NRBP2: variants seen among roughly 807,000 people sequenced by gnomAD.
NRBP2 encodes nuclear receptor binding protein 2, also known as nuclear receptor-binding protein 2.
Under a neutral mutation model 74.4 loss-of-function variants are expected in NRBP2, and 47 were observed. The ratio of observed to expected loss-of-function variants is 0.63; its 90% CI spans 0.50 to 0.81. NRBP2 has a LOEUF of 0.81. Ranked by LOEUF, NRBP2 falls within the 30% of genes least tolerant of loss-of-function variation. The probability of loss-of-function intolerance (pLI) is 0.00; values close to 1 mark genes in which losing one functional copy is unlikely to be tolerated. For synonymous variants in NRBP2, 312 were observed against 273.8 expected (o/e 1.14, Z -1.38); for missense variants, 613 against 690.1 (o/e 0.89, Z 1.25).
intron 15 of NRBP2, 21 bp downstream of exon 15, chr8:143,836,106 G>C (rs782510952): frequency 1.3e-6 from 2 of 1,598,382 alleles, no homozygotes; most frequent in Admixed American, 3.5e-5. Flanking sequence ...CGGCAGCGCC[G>C]CCCTCCCAGG....
rs112234503 is a variant in NRBP2, at chr8:143,835,490, G to A, written c.*172C>T. The A allele has an allele frequency of 8.5e-3, 5,045 of 591,040 alleles. 38 individuals carry two copies. Among genetic ancestry groups the A allele is most frequent in the Non-Finnish European group, 0.013 (4,189 of 329,126 alleles). 36.6% of individuals were successfully genotyped at this position (591,040 alleles called of 1,614,324 possible). On this transcript the variant is annotated 3_prime_UTR_variant, in exon 18 of 18. Coordinates refer to ENST00000442628, the MANE Select transcript of NRBP2 (RefSeq NM_178564.4). This position sits in a 1 kb window ranked among gnomAD's most constrained non-coding sequence, Gnocchi z 4.9. ...CCCCACACCCACCCCCCAACCCCTC[G>A]GCGCCCAAGGCAGGGTCAGCCCCAC...
In NRBP2 at chr8:143,839,640, T is replaced by G; in HGVS notation, c.445-91A>C. ...CCGCCCCGCATCCTCGCCCAGCCCC[T>G]GTCCGAGGCCGCCGGGCACCCCCTC... On this transcript the variant is annotated intron_variant, in intron 4 of 17. Transcript: ENST00000442628. The surrounding 1 kb of genome is among the most constrained non-coding windows in gnomAD (Gnocchi z 5.1). The G allele has an allele frequency of 6.6e-7, 1 of 1,511,898 alleles. No individual in the cohort carries two copies. The highest frequency in any genetic ancestry group is 8.8e-7 in the Non-Finnish European group (1 of 1,134,240). 93.7% of individuals were successfully genotyped at this position (1,511,898 alleles called of 1,614,324 possible). A position where few individuals can be genotyped will look rare whatever the true frequency, so the allele number is the denominator to read the frequency against.
chr8:143,840,218 C>A lies in NRBP2; in HGVS notation c.141G>T (p.Gly47=). 1 of 1,536,032 alleles carries A rather than the reference C, an allele frequency of 6.5e-7. No homozygotes were observed. Among genetic ancestry groups the A allele is most frequent in the South Asian group, 1.2e-5 (1 of 84,040 alleles). Residue 47 remains glycine, a synonymous_variant, in exon 2 of 18, where the codon GGG becomes GGT. Transcript: ENST00000442628. This position sits in a 1 kb window ranked among gnomAD's most constrained non-coding sequence, Gnocchi z 5.7. Reference sequence around the variant, plus strand: ...AGGTGCTCTGAAGCCCTGGCATGTTCCCTTGGTTTACCTGGGGGTGAATAA... The same window carrying A: ...AGGTGCTCTGAAGCCCTGGCATGTTACCTTGGTTTACCTGGGGGTGAATAA... ...WQKRREQVNQ[G]NMPGLQSTFL...
chr8:143,830,733 A>G (rs1296474354), downstream of NRBP2, among the ~76,000 whole-genome samples: 1 of 152,218 alleles, frequency 6.6e-6, no homozygotes, highest in African/African-American at 2.4e-5. Context: ...ATCACCAGAC[A>G]CCTGAGAAAG....
In NRBP2 at chr8:143,836,014, A is replaced by G; in HGVS notation, c.1334T>C (p.Val445Ala). ...CTGCCGGTGCAGCCGGTCTTCCAGC[A>G]CCAGAAGCAGAGTGAGCTGGGGAGG... Reference protein sequence around the residue: ...KARWHLTLLLVLEDRLHRQLT... With the variant: ...KARWHLTLLLALEDRLHRQLT... The change falls in exon 16 of 18, where the codon GTG becomes GCG. Residue 445 changes from valine to alanine, a missense_variant. By Grantham distance (64) the Val-to-Ala change is moderately conservative (BLOSUM62 0). Coordinates refer to ENST00000442628, the MANE Select transcript of NRBP2 (RefSeq NM_178564.4). The G allele has an allele frequency of 6.3e-7, 1 of 1,575,698 alleles. No individual in the cohort carries two copies. The highest frequency in any genetic ancestry group is 8.6e-7 in the Non-Finnish European group (1 of 1,160,774).
Position 143,837,987 on chromosome 8 carries a change from A to AC in NRBP2, c.841-233dup, listed in dbSNP as rs1197213477. Reference sequence around the variant, plus strand: ...GGAGCACCATGCTCTGCTTCCCTCGACCCCCAAAAAATCGTGGGGAGAAGC... The same window carrying AC: ...GGAGCACCATGCTCTGCTTCCCTCGACCCCCCAAAAAATCGTGGGGAGAAGC... On this transcript the variant is annotated intron_variant, in intron 10 of 17. Coordinates refer to ENST00000442628, the MANE Select transcript of NRBP2 (RefSeq NM_178564.4). The surrounding 1 kb of genome is among the most constrained non-coding windows in gnomAD (Gnocchi z 4.3). 2.8e-6 allele frequency: 2 copies of AC among 702,900 alleles called. No individual in the cohort carries two copies. Among genetic ancestry groups the AC allele is most frequent in the Non-Finnish European group, 5.2e-6 (2 of 387,750 alleles). The allele number at this position is 702,900 out of a possible 1,614,324, so 43.5% of individuals were successfully genotyped here.
rs189404604 is a variant in NRBP2, at chr8:143,833,983, C to T, written c.*1679G>A. ...TTGTACCTTTAATTTATTTGATATG[C>T]GTTAGTAAGTCTTGCTTTGGTTTTT... is the stretch of plus-strand genomic sequence containing the variant. On this transcript the variant is annotated 3_prime_UTR_variant, in exon 18 of 18. Transcript: ENST00000442628. 44 of 152,272 alleles carry T rather than the reference C, an allele frequency of 2.9e-4. 1 individual carries two copies. The East Asian group carries it at 7.5e-3, about 26-fold the overall frequency. 9.4% of individuals were successfully genotyped at this position (152,272 alleles called of 1,614,324 possible). A position where few individuals can be genotyped will look rare whatever the true frequency, so the allele number is the denominator to read the frequency against.
Position 143,839,763 on chromosome 8 carries a change from C to T in NRBP2, c.417G>A (p.Lys139=). 4 of 1,529,490 alleles carry T rather than the reference C, an allele frequency of 2.6e-6. No homozygotes were observed. The highest frequency in any genetic ancestry group is 3.5e-6 in the Non-Finnish European group (4 of 1,143,732). 94.7% of individuals were successfully genotyped at this position (1,529,490 alleles called of 1,614,324 possible). Residue 139 remains lysine (K), a synonymous_variant, in exon 4 of 18, where the codon AAG becomes AAA. Coordinates refer to ENST00000442628, the MANE Select transcript of NRBP2 (RefSeq NM_178564.4). This position sits in a 1 kb window ranked among gnomAD's most constrained non-coding sequence, Gnocchi z 5.1. Reference sequence around the variant, plus strand: ...GGGCGTTCATGGCCTTGTGGTTCTTCTTGGTCTTTTTGAGGAATTGCTTGA... The same window carrying T: ...GGGCGTTCATGGCCTTGTGGTTCTTTTTGGTCTTTTTGAGGAATTGCTTGA... ...GSLKQFLKKT[K]KNHKAMNARA...
rs573274691 is a variant in NRBP2, at chr8:143,840,285, G to A, written c.130-56C>T. On this transcript the variant is annotated intron_variant, in intron 1 of 17. Transcript: ENST00000442628. The surrounding 1 kb of genome is among the most constrained non-coding windows in gnomAD (Gnocchi z 5.7). ...TGGTGTGTGTCAGGGTTGTGGGTGA[G>A]GATTTGGTCCCTGTCCACACCTTTC... The A allele has an allele frequency of 2.6e-6, 4 of 1,529,924 alleles. No homozygotes were observed. Among genetic ancestry groups the A allele is most frequent in the South Asian group, 1.2e-5 (1 of 83,074 alleles). 94.8% of individuals were successfully genotyped at this position (1,529,924 alleles called of 1,614,324 possible).
rs1554652948 is a variant in NRBP2 at position 143,839,369 on chromosome 8, G to C, written c.525C>G (p.Asn175Lys). ...HACSPPIIHGNLTSDTIFIQH... is the reference protein window; with the variant it reads ...HACSPPIIHGKLTSDTIFIQH... ...GAATGAAGATGGTGTCGCTGGTCAG[G>C]TTCCCGTGGATGATTGGGGGGCTGC... Residue 175 changes from asparagine (N) to lysine (K), a missense_variant, in exon 6 of 18, where the codon AAC becomes AAG. Transcript: ENST00000442628. This position sits in a 1 kb window ranked among gnomAD's most constrained non-coding sequence, Gnocchi z 5.1. 3.8e-6 allele frequency: 6 copies of C among 1,590,416 alleles called. No homozygotes were observed. The highest frequency in any genetic ancestry group is 1.3e-5 in the African/African-American group (1 of 74,678).
In NRBP2 at chr8:143,835,755, G is replaced by A. The variant is rs782259573; in HGVS notation, c.1438-25C>T. The A allele has an allele frequency of 1.9e-6, 3 of 1,596,060 alleles. No individual in the cohort carries two copies. Among genetic ancestry groups the A allele is most frequent in the Non-Finnish European group, 2.6e-6 (3 of 1,173,580 alleles). On this transcript the variant is annotated intron_variant, in intron 17 of 17. Coordinates refer to ENST00000442628, the MANE Select transcript of NRBP2 (RefSeq NM_178564.4). The surrounding 1 kb of genome is among the most constrained non-coding windows in gnomAD (Gnocchi z 4.9). The stretch of plus-strand genomic sequence containing the variant: ...CCTGCGGAAGGAGGGAGGCATGGGG[G>A]ACGGAGGGGCGCGGCCTGCCCCGTG...
At position 143,835,822 on chromosome 8, in the gene NRBP2, C is replaced by T. The variant is rs370686102; in HGVS notation, c.1435G>A (p.Glu479Lys). The T allele has an allele frequency of 5.0e-6, 8 of 1,600,724 alleles. No individual in the cohort carries two copies. Among genetic ancestry groups the T allele is most frequent in the Middle Eastern group, 1.7e-4 (1 of 5,946 alleles). ...SELVHYGFLH[E>K]DDRMKLAAFL... ...CCGCGCCGCACCGCCCAGCGCACCT[C>T]GTGGAGGAAGCCATAGTGCACGAGC... Residue 479 changes from glutamate (E) to lysine (K), a missense_variant and splice_region_variant, in exon 17 of 18, where the codon GAG becomes AAG. Glu to Lys is a moderately conservative substitution (Grantham distance 56). Around this residue, in one of 2 missense-constraint regions of NRBP2, gnomAD observed 281 missense variants for 260.9 expected, o/e 1.08. Transcript: ENST00000442628. The surrounding 1 kb of genome is among the most constrained non-coding windows in gnomAD (Gnocchi z 4.9).
intron 14 of NRBP2, 99 bp from the exon 15 acceptor site, chr8:143,836,279 G>A (rs1203554638): frequency 7.1e-7 from 1 of 1,416,760 alleles, no homozygotes; most frequent in Non-Finnish European, 9.2e-7. Context: ...TGGAAAGGGG[G>A]GAATCTCTAA....
In NRBP2 at chr8:143,839,540, G is replaced by C; in HGVS notation, c.454C>G (p.Arg152Gly). 6.5e-7 allele frequency: 1 copy of C among 1,531,958 alleles called. No homozygotes were observed. The highest frequency in any genetic ancestry group is 8.7e-7 in the Non-Finnish European group (1 of 1,145,410). The allele number at this position is 1,531,958 out of a possible 1,614,324, so 94.9% of individuals were successfully genotyped here. A position where few individuals can be genotyped will look rare whatever the true frequency, so the allele number is the denominator to read the frequency against. Residue 152 changes from arginine to glycine, a missense_variant, in exon 5 of 18, where the codon CGC becomes GGC. Around this residue, in one of 2 missense-constraint regions of NRBP2, gnomAD observed 332 missense variants for 429.2 expected, o/e 0.77. Coordinates refer to ENST00000442628, the MANE Select transcript of NRBP2 (RefSeq NM_178564.4). This position sits in a 1 kb window ranked among gnomAD's most constrained non-coding sequence, Gnocchi z 5.1. ...HKAMNARAWK[R>G]WCTQILSALS... ...GCAGACAGGATCTGCGTGCACCAGC[G>C]CTTCCAGGCCTGGCGGCGGACGCAC...
chr8:143,840,038 G>T lies in NRBP2; in HGVS notation c.253-8C>A, dbSNP rs1372911002. On this transcript the variant is annotated splice_region_variant and splice_polypyrimidine_tract_variant and intron_variant, in intron 2 of 17. Transcript: ENST00000442628. The surrounding 1 kb of genome is among the most constrained non-coding windows in gnomAD (Gnocchi z 5.7). ...CACGGTCTGGATCTTCTCCTGGGGA[G>T]GGAGGGTGGTCGCTGGGTGGTCAGC... The T allele has an allele frequency of 2.0e-6, 3 of 1,536,068 alleles. No individual in the cohort carries two copies. The Admixed American group carries it at 5.9e-5, about 30-fold the overall frequency.
chr8:143,838,673 T>A lies in NRBP2; in HGVS notation c.840+7A>T. 1.3e-6 allele frequency: 2 copies of A among 1,599,184 alleles called. No individual in the cohort carries two copies. The highest frequency in any genetic ancestry group is 1.7e-6 in the Non-Finnish European group (2 of 1,171,596). On this transcript the variant is annotated splice_region_variant and intron_variant, in intron 10 of 17. Transcript: ENST00000442628. ...CCAGCTGGGGAGGGGCAGGGCAAGCTGCTTACCCGCATGTTGGGGTCACTC... is the reference window on the plus strand; with the variant it reads ...CCAGCTGGGGAGGGGCAGGGCAAGCAGCTTACCCGCATGTTGGGGTCACTC...
chr8:143,840,293 T>C lies in NRBP2; in HGVS notation c.130-64A>G. ...GTCAGGGTTGTGGGTGAGGATTTGG[T>C]CCCTGTCCACACCTTTCCAGTGGGC... On this transcript the variant is annotated intron_variant, in intron 1 of 17. Transcript: ENST00000442628. The surrounding 1 kb of genome is among the most constrained non-coding windows in gnomAD (Gnocchi z 5.7). The C allele has an allele frequency of 6.6e-7, 1 of 1,525,784 alleles. No individual in the cohort carries two copies. Among genetic ancestry groups the C allele is most frequent in the Non-Finnish European group, 8.8e-7 (1 of 1,140,794 alleles). 94.5% of individuals were successfully genotyped at this position (1,525,784 alleles called of 1,614,324 possible).
chr8:143,838,957 A>G lies in NRBP2; in HGVS notation c.689-19T>C, dbSNP rs781796306. 7 of 1,590,516 alleles carry G rather than the reference A, an allele frequency of 4.4e-6. No homozygotes were observed. The South Asian group carries it at 8.0e-5, about 18-fold the overall frequency. ...GCCACCTCTGAACAGAAGAGAGCAC[A>G]GGACACGTAGGAGAGAAGCGCAGGG... On this transcript the variant is annotated intron_variant, in intron 8 of 17. Transcript: ENST00000442628.
downstream of NRBP2, among the ~76,000 whole-genome samples, chr8:143,830,566 C>T (rs183969308): frequency 2.1e-3 from 320 of 152,354 alleles, no homozygotes; most frequent in Non-Finnish European, 3.5e-3. Flanking sequence ...CTCTCTGCAG[C>T]AGCTCCTAGC....
Sources: gnomAD v4.1 joint callset for allele counts (sites outside exome capture counted in the v4.1 genomes callset) on GRCh38, gnomAD v4.1.1 for gene constraint, gnomAD v4.1.1 regional missense constraint, Gnocchi (gnomAD v3.1) non-coding constraint, MANE v1.5 for transcripts, NCBI Gene and HGNC (gene_info 2026-07-23, HGNC 2026-07-21) for gene names.